The following SLC49A3 variants were observed in gnomAD, a reference collection of about 807,000 sequenced individuals.
The protein encoded by SLC49A3 is solute carrier family 49 member A3.
In SLC49A3, 50 loss-of-function variants were observed where a neutral mutation model predicts 43.8. The ratio of observed to expected loss-of-function variants is 1.14; its 90% CI spans 0.91 to 1.45. The LOEUF is 1.45. Among genes scored for constraint, SLC49A3 ranks in the 40% most tolerant of loss-of-function variants. The pLI is 0.00. For missense variants in SLC49A3, 906 were observed against 774.1 expected (o/e 1.17, Z -2.02); for synonymous variants, 413 against 352.0 (o/e 1.17, Z -1.94).
rs752856334 is a variant in SLC49A3 at position 683,368 on chromosome 4, C to T, written c.994-1G>A. Reference sequence around the variant, plus strand: ...GGGTCTGTCCCTGCAGCTGGGACACCTGGGAGCAGCGGAACGGCAGGCAGA... The same window carrying T: ...GGGTCTGTCCCTGCAGCTGGGACACTTGGGAGCAGCGGAACGGCAGGCAGA... On this transcript the variant is annotated splice_acceptor_variant, in intron 7 of 9. Coordinates refer to ENST00000322224, the MANE Select transcript of SLC49A3 (RefSeq NM_032219.4). LOFTEE classifies it high-confidence loss of function. The T allele has an allele frequency of 2.5e-6, 4 of 1,606,574 alleles. No homozygotes were observed. The Admixed American group carries it at 6.8e-5, about 27-fold the overall frequency.
At chr4:678,827 A>C, downstream of SLC49A3, 1 of 1,607,600 alleles carries the variant, frequency 6.2e-7, no homozygotes, top group Non-Finnish European at 8.5e-7. Context: ...GGAAGACCCC[A>C]TGTGGGCTGG....
rs1273687773 is a variant in SLC49A3 at position 686,158 on chromosome 4, G to A, written c.439C>T (p.Pro147Ser). 22 of 1,613,266 alleles carry A rather than the reference G, an allele frequency of 1.4e-5. No individual in the cohort carries two copies. The highest frequency in any genetic ancestry group is 2.2e-5 in the East Asian group (1 of 44,902). Residue 147 changes from proline to serine, a missense_variant, in exon 3 of 10, where the codon CCA becomes TCA. Pro to Ser is a moderately conservative substitution (Grantham distance 74). Transcript: ENST00000322224. ...ALAQSLVIFS[P>S]AKLAALWFPE... ...AACCACAAGGCAGCCAGCTTGGCTGGAGAGAAGATGACCAGGCTCTGGGCA... is the reference window on the plus strand; with the variant it reads ...AACCACAAGGCAGCCAGCTTGGCTGAAGAGAAGATGACCAGGCTCTGGGCA...
In SLC49A3 at chr4:685,950, G is replaced by T. The variant is rs1416450958; in HGVS notation, c.509-39C>A. ...TGCACAAAGTGTCAGCTCGGCTGTG[G>T]CCTGGCTTCATCGCCAGCCCACAGG... On this transcript the variant is annotated intron_variant, in intron 3 of 9. Coordinates refer to ENST00000322224, the MANE Select transcript of SLC49A3 (RefSeq NM_032219.4). This position sits in a 1 kb window ranked among gnomAD's most constrained non-coding sequence, Gnocchi z 4.3. 1 of 1,612,872 alleles carries T rather than the reference G, an allele frequency of 6.2e-7. No homozygotes were observed. Among genetic ancestry groups the T allele is most frequent in the South Asian group, 1.1e-5 (1 of 91,010 alleles).
In SLC49A3 at chr4:682,053, G is replaced by A. The variant is rs569815897; in HGVS notation, c.1585C>T (p.Arg529Cys). The A allele has an allele frequency of 1.2e-5, 17 of 1,414,582 alleles. No homozygotes were observed. The highest frequency in any genetic ancestry group is 1.9e-4 in the Middle Eastern group (1 of 5,178). The allele number at this position is 1,414,582 out of a possible 1,614,324, so 87.6% of individuals were successfully genotyped here. ...ACCCTGCCTGCGAGTCTGCCGGGGC[G>A]GGAGGGCGCGTCGGTGGCTGCTGGG... ...QGPAATDAPSRPGRLAGRVQA... is the reference protein window; with the variant it reads ...QGPAATDAPSCPGRLAGRVQA... The change falls in exon 10 of 10, where the codon CGC becomes TGC. Residue 529 changes from arginine to cysteine, a missense_variant. By Grantham distance (180) the Arg-to-Cys change is radical. Coordinates refer to ENST00000322224, the MANE Select transcript of SLC49A3 (RefSeq NM_032219.4).
chr4:686,521 GTC>G lies in SLC49A3; in HGVS notation c.294+9_294+10del, dbSNP rs1560175776. 1 of 1,610,754 alleles carries G rather than the reference GTC, an allele frequency of 6.2e-7. No homozygotes were observed. Among genetic ancestry groups the G allele is most frequent in the African/African-American group, 1.3e-5 (1 of 74,936 alleles). The stretch of plus-strand genomic sequence containing the variant: ...GTCCCGGAGCGGGCCATGGTGTGGG[GTC>G]TGACTCACCGCCGCACGGAGCCCGA... On this transcript the variant is annotated intron_variant, in intron 2 of 9. Transcript: ENST00000322224.
rs573116524 is a variant in SLC49A3, at chr4:683,684, G to C, written c.918C>G (p.Asp306Glu). The C allele has an allele frequency of 1.2e-6, 2 of 1,608,560 alleles. No individual in the cohort carries two copies. Among genetic ancestry groups the C allele is most frequent in the Non-Finnish European group, 1.7e-6 (2 of 1,177,962 alleles). The change falls in exon 7 of 10, where the codon GAC (aspartate) becomes GAG (glutamate). Residue 306 changes from aspartate (D) to glutamate (E), a missense_variant. Coordinates refer to ENST00000322224, the MANE Select transcript of SLC49A3 (RefSeq NM_032219.4). ...LGALALGPYV[D>E]RTKHFTEATK... ...TGGCCTCAGTGAAGTGCTTGGTCCG[G>C]TCCACATAGGGGCCGAGAGCCAGTG...
rs1055681642 is a variant in SLC49A3 at position 686,656 on chromosome 4, A to G, written c.170T>C (p.Ile57Thr). Residue 57 changes from isoleucine to threonine, a missense_variant, in exon 2 of 10, where the codon ATT becomes ACT. Ile to Thr is a moderately conservative substitution (Grantham distance 89, BLOSUM62 -1). Transcript: ENST00000322224. ...CATGGACAGGACCAAGTCCTCAGCAATGACGTCAGCCACAGGTGCAAAGCT... is the reference window on the plus strand; with the variant it reads ...CATGGACAGGACCAAGTCCTCAGCAGTGACGTCAGCCACAGGTGCAAAGCT... ...WLSFAPVADV[I>T]AEDLVLSMEQ... 14 of 1,613,072 alleles carry G rather than the reference A, an allele frequency of 8.7e-6. No homozygotes were observed. The highest frequency in any genetic ancestry group is 4.0e-5 in the African/African-American group (3 of 74,954).
chr4:686,549 C>T lies in SLC49A3; in HGVS notation c.277G>A (p.Val93Ile), dbSNP rs776199522. 1.4e-5 allele frequency: 22 copies of T among 1,612,612 alleles called. No homozygotes were observed. Among genetic ancestry groups the T allele is most frequent in the African/African-American group, 8.0e-5 (6 of 74,936 alleles). ...TGACTCACCGCCGCACGGAGCCCGACGGAGTCCAGGATCCAGATGGCCGCC... is the reference window on the plus strand; with the variant it reads ...TGACTCACCGCCGCACGGAGCCCGATGGAGTCCAGGATCCAGATGGCCGCC... ...GVAAIWILDS[V>I]GLRAATILGA... Residue 93 changes from valine (V) to isoleucine (I), a missense_variant, in exon 2 of 10, where the codon GTC becomes ATC. Coordinates refer to ENST00000322224, the MANE Select transcript of SLC49A3 (RefSeq NM_032219.4).
At chr4:691,128 T>C (rs185835813), upstream of SLC49A3, among the ~76,000 whole-genome samples, 111 of 149,978 alleles carry the variant, frequency 7.4e-4, no homozygotes, top group Non-Finnish European at 1.2e-3. Flanking sequence ...CTAGTAAAAA[T>C]ACAAAAATTA....
chr4:679,931 G>A (rs969486699), downstream of SLC49A3: 1 of 1,613,778 alleles, frequency 6.2e-7, no homozygotes, highest in Non-Finnish European at 8.5e-7. Flanking sequence ...CAACGTCAAG[G>A]ACGACGAGCT....
intron 9 of SLC49A3, 107 bp from the exon 10 acceptor site, chr4:682,483 AC>A: frequency 8.5e-7 from 1 of 1,177,624 alleles, no homozygotes; most frequent in Non-Finnish European, 1.1e-6. Context: ...CCACAGAGTG[AC>A]CCCAGACGGA....
At chr4:680,389 TG>T, downstream of SLC49A3, 1 of 1,069,564 alleles carries the variant, frequency 9.3e-7, no homozygotes, top group Non-Finnish European at 1.4e-6. Flanking sequence ...GGCCACCTTG[TG>T]GGCAGAGGCT....
chr4:679,275 G>GACAGCCCAAGCCTGGA, downstream of SLC49A3: 1 of 400,046 alleles, frequency 2.5e-6, no homozygotes, highest in South Asian at 2.8e-5. Flanking sequence ...CTCAGAGTGG[G>GACAGCCCAAGCCTGGA]CTTTGAGGCA....
rs188668120 is a variant in SLC49A3 at position 684,887 on chromosome 4, C to G, written c.586-31G>C. 3.1e-4 allele frequency: 496 copies of G among 1,601,792 alleles called. 3 individuals are homozygous for G. The African/African-American group carries it at 6.1e-3, about 20-fold the overall frequency. On this transcript the variant is annotated intron_variant, in intron 4 of 9. Transcript: ENST00000322224. ...GAGGGGTGTGTGTGCACAAGGAGAC[C>G]ACGCAGACTGGCACCCACACACGCC...
At chr4:686,897 C>T (rs1367935114) in intron 1 of SLC49A3, among the ~76,000 whole-genome samples, 1 of 152,234 alleles carries the variant, frequency 6.6e-6, no homozygotes, top group Non-Finnish European at 1.5e-5. Flanking sequence ...AGAGAGCATG[C>T]CCTGACCGGG....
downstream of SLC49A3, chr4:676,992 G>C: frequency 1.1e-6 from 1 of 933,646 alleles, no homozygotes; most frequent in Non-Finnish European, 1.3e-6. Context: ...CTCTGCTCAA[G>C]AGACATGCAA....
downstream of SLC49A3, chr4:678,779 G>T: frequency 6.2e-7 from 1 of 1,607,870 alleles, no homozygotes; most frequent in East Asian, 2.2e-5. Flanking sequence ...AGACTTTCCT[G>T]CTTCACTGGG....
At chr4:678,366 G>C (rs2109331489), downstream of SLC49A3, 1 of 1,412,196 alleles carries the variant, frequency 7.1e-7, no homozygotes, top group Non-Finnish European at 9.2e-7. Context: ...GCCTTCAGAG[G>C]CCAAGCTGGC....
Position 685,216 on chromosome 4 carries a change from G to C in SLC49A3, c.586-360C>G, listed in dbSNP as rs1740746060. 5.6e-6 allele frequency: 2 copies of C among 356,122 alleles called. No homozygotes were observed. Among genetic ancestry groups the C allele is most frequent in the Non-Finnish European group, 1.0e-5 (2 of 192,370 alleles). 22.1% of individuals were successfully genotyped at this position (356,122 alleles called of 1,614,324 possible). ...ACACGTGCATACAGACTCACGCTCAGTACATACCCCCAAGCACAAACACAC... is the reference window on the plus strand; with the variant it reads ...ACACGTGCATACAGACTCACGCTCACTACATACCCCCAAGCACAAACACAC... On this transcript the variant is annotated intron_variant, in intron 4 of 9. Transcript: ENST00000322224. The surrounding 1 kb of genome is among the most constrained non-coding windows in gnomAD (Gnocchi z 4.3).
Sources: gnomAD v4.1 joint callset for allele counts (sites outside exome capture counted in the v4.1 genomes callset) on GRCh38, gnomAD v4.1.1 for gene constraint, Gnocchi (gnomAD v3.1) non-coding constraint, MANE v1.5 for transcripts, NCBI Gene and HGNC (gene_info 2026-07-23, HGNC 2026-07-21) for gene names.